The following CDK6 variants were observed in gnomAD, a reference collection of about 807,000 sequenced individuals.
CDK6 encodes the protein cyclin-dependent kinase 6.
CDK6 carries 6 observed loss-of-function variants against 37.1 expected under a neutral mutation model. The observed-to-expected ratio is 0.16, with a 90% CI of 0.09 to 0.32. The LOEUF (loss-of-function observed/expected upper bound fraction) is 0.32, where lower values mean the gene tolerates loss of function less well. Among genes scored for constraint, CDK6 ranks in the 10% least tolerant of loss-of-function variants. The probability of loss-of-function intolerance (pLI) is 1.00; values close to 1 mark genes in which losing one functional copy is unlikely to be tolerated. For missense variants in CDK6, 224 were observed against 418.9 expected (o/e 0.53, Z 4.06); for synonymous variants, 160 against 161.3 (o/e 0.99, Z 0.06).
chr7:92,835,541 A>C lies in CDK6; in HGVS notation c.-368+937T>G, dbSNP rs1010228275. Among the ~76,000 whole-genome samples, 2 of 152,202 alleles carry C rather than the reference A, an allele frequency of 1.3e-5. No homozygotes were observed. Among genetic ancestry groups the C allele is most frequent in the Non-Finnish European group, 2.9e-5 (2 of 68,044 alleles). On this transcript the variant is annotated intron_variant, in intron 1 of 7. Transcript: ENST00000424848. The surrounding 1 kb of genome is among the most constrained non-coding windows in gnomAD (Gnocchi z 4.2). ...TGTGACTTGACCCCATTTCAAAAAA[A>C]GTTTGACATAGTGCTTCAACATTTC...
rs1368775003 is a variant in CDK6, at chr7:92,771,224, CA to C, written c.369+3471del. On this transcript the variant is annotated intron_variant, in intron 3 of 7. Transcript: ENST00000424848. Reference sequence around the variant, plus strand: ...GCACTCCAGCCTGGTGACTCCGTCTCAAAAAAAAAAAATAAATAAAATAAAT... The same window carrying C: ...GCACTCCAGCCTGGTGACTCCGTCTCAAAAAAAAAAATAAATAAAATAAAT... 5.4e-3 allele frequency among the ~76,000 whole-genome samples: 387 copies of C among 72,042 alleles called. 1 individual carries two copies. The highest frequency in any genetic ancestry group is 7.7e-3 in the South Asian group (19 of 2,476). 47.3% of individuals were successfully genotyped at this position (72,042 alleles called of 152,430 possible).
At chr7:92,673,152 A>G (rs1317798568) in intron 4 of CDK6, among the ~76,000 whole-genome samples, 1 of 152,224 alleles carries the variant, frequency 6.6e-6, no homozygotes, top group African/African-American at 2.4e-5. Flanking sequence ...CTCAGCTGAA[A>G]GCCTGCGAAT....
intron 2 of CDK6, among the ~76,000 whole-genome samples, chr7:92,778,385 T>A (rs973780149): frequency 7.2e-5 from 11 of 152,216 alleles, no homozygotes; most frequent in African/African-American, 2.7e-4. Context: ...ATGTTACTTA[T>A]TCTGGAAAAT....
chr7:92,766,256 G>C (rs1799577389), intron 3 of CDK6, among the ~76,000 whole-genome samples: 1 of 152,158 alleles, frequency 6.6e-6, no homozygotes, highest in Non-Finnish European at 1.5e-5. Flanking sequence ...CTGGTTGATG[G>C]GTTAAACTAG....
rs1271511220 is a variant in CDK6, at chr7:92,672,182, CAG to C, written c.538-649_538-648del. Among the ~76,000 whole-genome samples the C allele has an allele frequency of 1.6e-3, 147 of 94,640 alleles. 1 individual carries two copies. Among genetic ancestry groups the C allele is most frequent in the South Asian group, 2.6e-3 (6 of 2,306 alleles). The allele number at this position is 94,640 out of a possible 152,430, so 62.1% of individuals were successfully genotyped here. A position where few individuals can be genotyped will look rare whatever the true frequency, so the allele number is the denominator to read the frequency against. On this transcript the variant is annotated intron_variant, in intron 4 of 7. Coordinates refer to ENST00000424848, the MANE Select transcript of CDK6 (RefSeq NM_001145306.2). ...ATATACACATACACACACACACACA[CAG>C]ACACATACACACACACACACACACA...
intron 2 of CDK6, among the ~76,000 whole-genome samples, chr7:92,826,255 A>C (rs1801308667): frequency 6.6e-6 from 1 of 152,128 alleles, no homozygotes; most frequent in Non-Finnish European, 1.5e-5. Context: ...AGAGAGTCAG[A>C]AGAGGGCTGT....
At chr7:92,813,459 G>A (rs1227818751) in intron 2 of CDK6, among the ~76,000 whole-genome samples, 2 of 152,122 alleles carry the variant, frequency 1.3e-5, no homozygotes, top group Admixed American at 6.6e-5. Flanking sequence ...AAATGAAAAC[G>A]TTCTCAGTCT....
intron 3 of CDK6, among the ~76,000 whole-genome samples, 183 bp from the exon 4 acceptor site, chr7:92,725,976 A>C (rs938835880): frequency 6.6e-6 from 1 of 152,076 alleles, no homozygotes; most frequent in Non-Finnish European, 1.5e-5. Flanking sequence ...TTTCAAGAAC[A>C]CTGCAAAAAA....
intron 4 of CDK6, among the ~76,000 whole-genome samples, chr7:92,722,199 T>C (rs1798384233): frequency 6.6e-6 from 1 of 152,096 alleles, no homozygotes. Context: ...ATAGTAAAAG[T>C]TGTCTAGTAA....
At chr7:92,792,262 G>T (rs1019654039) in intron 2 of CDK6, among the ~76,000 whole-genome samples, 1 of 152,060 alleles carries the variant, frequency 6.6e-6, no homozygotes, top group African/African-American at 2.4e-5. Flanking sequence ...TGCTCTCTTA[G>T]AACTTATTTT....
rs749101820 is a variant in CDK6, at chr7:92,771,342, C to CA, written c.369+3353dup. Among the ~76,000 whole-genome samples, 422 of 144,174 alleles carry CA rather than the reference C, an allele frequency of 2.9e-3. 4 individuals are homozygous for CA. Among genetic ancestry groups the CA allele is most frequent in the East Asian group, 0.011 (55 of 5,008 alleles). The allele number at this position is 144,174 out of a possible 152,430, so 94.6% of individuals were successfully genotyped here. ...ATATCTTAGACACGTGACTCCGTCT[C>CA]AAAAAAAAATAAAAATATCTTAGAT... On this transcript the variant is annotated intron_variant, in intron 3 of 7. Coordinates refer to ENST00000424848, the MANE Select transcript of CDK6 (RefSeq NM_001145306.2).
chr7:92,611,577 G>T lies in CDK6; in HGVS notation c.*3563C>A, dbSNP rs930532643. 1 of 228,678 alleles carries T rather than the reference G, an allele frequency of 4.4e-6. No homozygotes were observed. The highest frequency in any genetic ancestry group is 5.7e-5 in the Admixed American group (1 of 17,680). The allele number at this position is 228,678 out of a possible 1,614,324, so 14.2% of individuals were successfully genotyped here. A position where few individuals can be genotyped will look rare whatever the true frequency, so the allele number is the denominator to read the frequency against. ...ACTTTAATAGGCACCACTTGTAAAA[G>T]AAGCAGCTACAGTTTCTTAAACACT... On this transcript the variant is annotated 3_prime_UTR_variant, in exon 8 of 8. Transcript: ENST00000424848.
chr7:92,784,453 G>T (rs1272603322), intron 2 of CDK6, among the ~76,000 whole-genome samples: 1 of 152,190 alleles, frequency 6.6e-6, no homozygotes, highest in East Asian at 1.9e-4. Flanking sequence ...CTCAGCTATA[G>T]ATCAGGAACA....
chr7:92,627,943 T>C (rs1795966472), intron 5 of CDK6, among the ~76,000 whole-genome samples: 1 of 151,508 alleles, frequency 6.6e-6, no homozygotes, highest in South Asian at 2.1e-4. Flanking sequence ...AAAAAAAAAC[T>C]GCTAGGAAAA....
At chr7:92,785,292 AT>A (rs1384256377) in intron 2 of CDK6, among the ~76,000 whole-genome samples, 4 of 152,222 alleles carry the variant, frequency 2.6e-5, no homozygotes, top group African/African-American at 2.4e-5. Flanking sequence ...ACAAAAGACT[AT>A]GTATTCCATT....
chr7:92,675,665 A>G (rs1562932202), intron 4 of CDK6, among the ~76,000 whole-genome samples: 1 of 152,218 alleles, frequency 6.6e-6, no homozygotes, highest in Non-Finnish European at 1.5e-5. Context: ...CAACAGAAGA[A>G]TAATCAGTTT....
intron 5 of CDK6, among the ~76,000 whole-genome samples, chr7:92,662,708 C>A (rs1181693907): frequency 6.6e-6 from 1 of 152,158 alleles, no homozygotes; most frequent in Non-Finnish European, 1.5e-5. Context: ...TTGCAAAACA[C>A]TTCTGTCAGT....
chr7:92,618,042 G>A (rs1201622713), intron 7 of CDK6, 30 bp downstream of exon 7: 1 of 1,610,726 alleles, frequency 6.2e-7, no homozygotes, highest in Non-Finnish European at 8.5e-7. Flanking sequence ...CTGGCACAGT[G>A]CAGACGAGCT....
At position 92,749,052 on chromosome 7, in the gene CDK6, AG is replaced by A. The variant is rs1311773534; in HGVS notation, c.370-23260del. On this transcript the variant is annotated intron_variant, in intron 3 of 7. Coordinates refer to ENST00000424848, the MANE Select transcript of CDK6 (RefSeq NM_001145306.2). ...CATCTCTACTAAAAATACAAAACTT[AG>A]CCAGGCGTGGTGGCGCATGCCTGTA... Among the ~76,000 whole-genome samples, 5 of 152,178 alleles carry A rather than the reference AG, an allele frequency of 3.3e-5. No individual in the cohort carries two copies. The East Asian group carries it at 9.7e-4, about 29-fold the overall frequency.
Sources: allele counts gnomAD v4.1 joint callset (sites outside exome capture counted in the v4.1 genomes callset), GRCh38; gene constraint gnomAD v4.1.1; non-coding constraint Gnocchi (gnomAD v3.1); transcripts MANE v1.5; gene names NCBI Gene and HGNC (gene_info 2026-07-23, HGNC 2026-07-21).